The following POU6F1 variants were observed in gnomAD, a reference collection of about 807,000 sequenced individuals.
POU6F1 encodes the protein POU class 6 homeobox 1.
Under a neutral mutation model 28.9 loss-of-function variants are expected in POU6F1, and 9 were observed. That is an observed-to-expected ratio of 0.31 (90% CI 0.19 to 0.54). The LOEUF is 0.54. POU6F1 is among the 20% of genes least tolerant of loss of function. POU6F1 has a pLI of 0.94. For synonymous variants in POU6F1, 173 were observed against 171.1 expected (o/e 1.01, Z -0.09); for missense variants, 338 against 426.1 (o/e 0.79, Z 1.82).
intron 3 of POU6F1, among the ~76,000 whole-genome samples, chr12:51,200,953 G>A (rs563592068): frequency 8.6e-5 from 13 of 152,042 alleles, no homozygotes; most frequent in African/African-American, 2.9e-4. Context: ...TCAGCCTCCC[G>A]AAGTGCTGGG....
Position 51,197,808 on chromosome 12 carries a change from T to C in POU6F1, c.808A>G (p.Thr270Ala). ...AATGCGAAGCCTGCAGGCTGGACGGTGATCTGTGGGGGGGTGTCCACTGGC... is the reference window on the plus strand; with the variant it reads ...AATGCGAAGCCTGCAGGCTGGACGGCGATCTGTGGGGGGGTGTCCACTGGC... ...PKPVDTPPQI[T>A]VQPAGFAFSP... Residue 270 changes from threonine to alanine, a missense_variant, in exon 6 of 11, where the codon ACC becomes GCC. Thr to Ala is a moderately conservative substitution (Grantham distance 58). Coordinates refer to ENST00000333640, the MANE Select transcript of POU6F1 (RefSeq NM_001330422.2). 2.8e-6 allele frequency: 1 copy of C among 361,298 alleles called. No individual in the cohort carries two copies. The allele number at this position is 361,298 out of a possible 1,614,324, so 22.4% of individuals were successfully genotyped here.
At chr12:51,212,312 T>TA (rs946590941) in intron 1 of POU6F1, among the ~76,000 whole-genome samples, 8 of 151,464 alleles carry the variant, frequency 5.3e-5, no homozygotes. Context: ...CAGGCTGGTC[T>TA]CGAACTCCTG....
intron 8 of POU6F1, among the ~76,000 whole-genome samples, chr12:51,193,435 G>T (rs919924592): frequency 3.3e-5 from 5 of 152,150 alleles, no homozygotes; most frequent in Admixed American, 3.3e-4. Context: ...AATTAGCCAG[G>T]CGTGGTGGCA....
At chr12:51,196,292 G>T in intron 7 of POU6F1, 119 bp from the exon 8 acceptor site, 1 of 842,298 alleles carries the variant, frequency 1.2e-6, no homozygotes, top group Non-Finnish European at 1.8e-6. Flanking sequence ...ACCTGCTCTG[G>T]CCTCAGCTTC....
chr12:51,216,640 G>T (rs1944300127), intron 1 of POU6F1, among the ~76,000 whole-genome samples: 1 of 152,214 alleles, frequency 6.6e-6, no homozygotes. Flanking sequence ...TTCCTCAGAA[G>T]GCCTCTGCCA....
At chr12:51,205,102 A>T (rs1163310064) in intron 2 of POU6F1, among the ~76,000 whole-genome samples, 1 of 143,912 alleles carries the variant, frequency 6.9e-6, no homozygotes, top group Non-Finnish European at 1.5e-5. Context: ...GCAGTGGCGC[A>T]ATCTCGGCTC....
chr12:51,216,321 T>C (rs558151117), intron 1 of POU6F1, among the ~76,000 whole-genome samples: 28 of 152,346 alleles, frequency 1.8e-4, no homozygotes, highest in African/African-American at 6.5e-4. Context: ...TCTGAGTCAC[T>C]TTTCTTAACT....
chr12:51,202,889 G>A (rs1298818282), intron 3 of POU6F1, among the ~76,000 whole-genome samples: 1 of 152,132 alleles, frequency 6.6e-6, no homozygotes, highest in Non-Finnish European at 1.5e-5. Context: ...TAGTAATTTA[G>A]AGTGACACAA....
intron 3 of POU6F1, among the ~76,000 whole-genome samples, chr12:51,200,551 G>A (rs1943141022): frequency 6.6e-6 from 1 of 152,146 alleles, no homozygotes; most frequent in Admixed American, 6.5e-5. Context: ...GCCTACACAC[G>A]TACTGGGGTA....
chr12:51,208,129 A>T (rs994281496), intron 1 of POU6F1, among the ~76,000 whole-genome samples: 1 of 147,638 alleles, frequency 6.8e-6, no homozygotes, highest in Non-Finnish European at 1.5e-5. Flanking sequence ...AAAAAAAAAA[A>T]TTAGCTGGGC....
At chr12:51,203,186 C>G (rs566084472) in intron 3 of POU6F1, among the ~76,000 whole-genome samples, 1 of 151,950 alleles carries the variant, frequency 6.6e-6, no homozygotes, top group Admixed American at 6.6e-5. Flanking sequence ...TTTCTGAGAG[C>G]GAATTTGGAT....
rs1166708809 is a variant in POU6F1, at chr12:51,217,552, C to T, written c.-48+90G>A. On this transcript the variant is annotated intron_variant, in intron 1 of 10. Coordinates refer to ENST00000333640, the MANE Select transcript of POU6F1 (RefSeq NM_001330422.2). This position sits in a 1 kb window ranked among gnomAD's most constrained non-coding sequence, Gnocchi z 5.3. ...ATATATAAATTATGCTAATTACGGG[C>T]ATTGCATATTAACCAAACCCGAAAC... is the stretch of plus-strand genomic sequence containing the variant. 2.0e-5 allele frequency: 3 copies of T among 152,306 alleles called. No individual in the cohort carries two copies. The highest frequency in any genetic ancestry group is 3.9e-4 in the East Asian group (2 of 5,180). The allele number at this position is 152,306 out of a possible 1,614,324, so 9.4% of individuals were successfully genotyped here.
Position 51,197,726 on chromosome 12 carries a change from T to C in POU6F1, c.846+44A>G, listed in dbSNP as rs145172246. On this transcript the variant is annotated intron_variant, in intron 6 of 10. Transcript: ENST00000333640. ...GGTCAGTTCCACCCTTGGCCCATGA[T>C]TCCGTCCATCCCTGGTCAGCCCTGG... 2.9e-3 allele frequency: 1,169 copies of C among 398,644 alleles called. 14 individuals carry two copies. Among genetic ancestry groups the C allele is most frequent in the African/African-American group, 0.022 (1,077 of 48,702 alleles). 24.7% of individuals were successfully genotyped at this position (398,644 alleles called of 1,614,324 possible). A position where few individuals can be genotyped will look rare whatever the true frequency, so the allele number is the denominator to read the frequency against.
At chr12:51,203,028 G>A (rs1017884387) in intron 3 of POU6F1, among the ~76,000 whole-genome samples, 2 of 152,084 alleles carry the variant, frequency 1.3e-5, no homozygotes, top group African/African-American at 4.8e-5. Flanking sequence ...CTTAGGTGGT[G>A]CCATCAAAAT....
chr12:51,195,938 G>GCCCC (rs33997850), intron 8 of POU6F1, 32 bp downstream of exon 8: 1 of 916,084 alleles, frequency 1.1e-6, no homozygotes, highest in African/African-American at 1.8e-5. Context: ...AGCAGAGCCT[G>GCCCC]CCCCACCCCC....
intron 8 of POU6F1, 62 bp from the exon 9 acceptor site, chr12:51,192,533 CT>C (rs548312589): frequency 2.8e-4 from 442 of 1,578,168 alleles, no homozygotes; most frequent in Non-Finnish European, 3.4e-4. Flanking sequence ...GTTAAAATCC[CT>C]GGGTGGACCA....
chr12:51,192,600 G>C, intron 8 of POU6F1, 129 bp from the exon 9 acceptor site: 1 of 1,232,636 alleles, frequency 8.1e-7, no homozygotes, highest in Admixed American at 2.5e-5. Context: ...TTCCCGCCTG[G>C]GCTCTATCAT....
At chr12:51,194,689 G>A (rs775663906) in intron 8 of POU6F1, among the ~76,000 whole-genome samples, 6 of 149,428 alleles carry the variant, frequency 4.0e-5, no homozygotes, top group Admixed American at 6.7e-5. Context: ...CCTTGCTAAC[G>A]CCCTTCAGCA....
rs1942864711 is a variant in POU6F1, at chr12:51,196,905, C to G, written c.869G>C (p.Gly290Ala). ...PGIISAASLGGQTQILGSLTT... is the reference protein window; with the variant it reads ...PGIISAASLGAQTQILGSLTT... Reference sequence around the variant, plus strand: ...GAGGGACCCCAGGATCTGGGTCTGTCCCCCGAGGGAAGCAGCACTGATCTG... The same window carrying G: ...GAGGGACCCCAGGATCTGGGTCTGTGCCCCGAGGGAAGCAGCACTGATCTG... Residue 290 changes from glycine (G) to alanine (A), a missense_variant, in exon 7 of 11, where the codon GGA becomes GCA. Gly to Ala is a moderately conservative substitution (Grantham distance 60, BLOSUM62 0). Around this residue, in one of 3 missense-constraint regions of POU6F1, gnomAD observed 206 missense variants for 225.6 expected, o/e 0.91. Transcript: ENST00000333640. 6 of 1,602,434 alleles carry G rather than the reference C, an allele frequency of 3.7e-6. No homozygotes were observed. The highest frequency in any genetic ancestry group is 3.4e-6 in the Non-Finnish European group (4 of 1,170,004).
Sources: allele counts gnomAD v4.1 joint callset (sites outside exome capture counted in the v4.1 genomes callset), GRCh38; gene constraint gnomAD v4.1.1; regional missense constraint gnomAD v4.1.1; non-coding constraint Gnocchi (gnomAD v3.1); transcripts MANE v1.5; gene names NCBI Gene and HGNC (gene_info 2026-07-23, HGNC 2026-07-21).